The following MYH9 variants were observed in gnomAD, a reference collection of about 807,000 sequenced individuals.
MYH9 encodes myosin heavy chain 9, also known as myosin-9.
A neutral mutation model predicts 241.9 loss-of-function variants in MYH9; 29 were observed. That is an observed-to-expected ratio of 0.12 (90% CI 0.09 to 0.16). The LOEUF is 0.16. Among genes scored for constraint, MYH9 ranks in the 10% least tolerant of loss-of-function variants. The pLI is 1.00. For synonymous variants in MYH9, 1,047 were observed against 1,062.6 expected (o/e 0.99, Z 0.29); for missense variants, 1,803 against 2,595.5 (o/e 0.69, Z 6.63).
At chr22:36,367,697 C>T (rs2146412992) in intron 1 of MYH9, among the ~76,000 whole-genome samples, 1 of 152,284 alleles carries the variant, frequency 6.6e-6, no homozygotes, top group African/African-American at 2.4e-5. Context: ...CTTACTTTAC[C>T]ACTCACCAAG....
chr22:36,303,961 G>A, intron 19 of MYH9, 34 bp downstream of exon 19: 2 of 1,611,578 alleles, frequency 1.2e-6, no homozygotes, highest in Non-Finnish European at 1.7e-6. Context: ...GGCAAGGCCT[G>A]GCATGCGGGG....
intron 15 of MYH9, 127 bp downstream of exon 15, chr22:36,309,155 G>A: frequency 1.2e-6 from 1 of 832,560 alleles, no homozygotes; most frequent in Non-Finnish European, 2.0e-6. Flanking sequence ...ACAGAGGGCA[G>A]AGACCACCTG....
chr22:36,359,451 G>C (rs775353250), intron 1 of MYH9, among the ~76,000 whole-genome samples: 1 of 152,202 alleles, frequency 6.6e-6, no homozygotes, highest in Non-Finnish European at 1.5e-5. Context: ...CCACACACGC[G>C]TAAGGGTTAT....
chr22:36,387,382 C>A (rs1163405911), intron 1 of MYH9, among the ~76,000 whole-genome samples: 2 of 152,374 alleles, frequency 1.3e-5, no homozygotes, highest in African/African-American at 4.8e-5. Context: ...GGCTCCCAAC[C>A]CGTGAGGCTG....
In MYH9 at chr22:36,320,097, GCCTT is replaced by G. The variant is rs1269744777; in HGVS notation, c.1012+119_1012+122del. Reference sequence around the variant, plus strand: ...GGAATCATTTTCCCATACACTGAAGGCCTTCCCCTTCCCCTGGCCTCTAGCAGGC... The same window carrying G: ...GGAATCATTTTCCCATACACTGAAGGCCCCTTCCCCTGGCCTCTAGCAGGC... On this transcript the variant is annotated intron_variant, in intron 9 of 40. Transcript: ENST00000216181. The surrounding 1 kb of genome is among the most constrained non-coding windows in gnomAD (Gnocchi z 4.8). 9.4e-5 allele frequency: 125 copies of G among 1,336,508 alleles called. No homozygotes were observed. Among genetic ancestry groups the G allele is most frequent in the Non-Finnish European group, 1.3e-4 (118 of 943,296 alleles). The allele number at this position is 1,336,508 out of a possible 1,614,324, so 82.8% of individuals were successfully genotyped here.
chr22:36,282,584 T>A lies in MYH9; in HGVS notation c.*84A>T. 8.1e-7 allele frequency: 1 copy of A among 1,241,184 alleles called. No individual in the cohort carries two copies. The highest frequency in any genetic ancestry group is 1.2e-6 in the Non-Finnish European group (1 of 847,778). The allele number at this position is 1,241,184 out of a possible 1,614,324, so 76.9% of individuals were successfully genotyped here. On this transcript the variant is annotated 3_prime_UTR_variant, in exon 41 of 41. Transcript: ENST00000216181. ...CATGTTCACAGCAGTCCCAAGAAGG[T>A]GGGGAGAGGCGTGCTGCGGGGTCTG...
intron 1 of MYH9, among the ~76,000 whole-genome samples, chr22:36,363,074 TCC>T (rs1463834154): frequency 3.3e-5 from 5 of 151,924 alleles, no homozygotes; most frequent in African/African-American, 1.2e-4. Context: ...AGGGCCCATC[TCC>T]CCAATTCTCC....
At position 36,305,175 on chromosome 22, in the gene MYH9, G is replaced by A; in HGVS notation, c.2160-73C>T. On this transcript the variant is annotated intron_variant, in intron 17 of 40. Transcript: ENST00000216181. This position sits in a 1 kb window ranked among gnomAD's most constrained non-coding sequence, Gnocchi z 4.7. Reference sequence around the variant, plus strand: ...CCACATGCCTGGAATATAGGCGAGAGATTAACATCATTTCTACAATGCAAC... The same window carrying A: ...CCACATGCCTGGAATATAGGCGAGAAATTAACATCATTTCTACAATGCAAC... 1 of 1,270,580 alleles carries A rather than the reference G, an allele frequency of 7.9e-7. No individual in the cohort carries two copies. Among genetic ancestry groups the A allele is most frequent in the South Asian group, 1.2e-5 (1 of 83,394 alleles). 78.7% of individuals were successfully genotyped at this position (1,270,580 alleles called of 1,614,324 possible).
chr22:36,359,859 G>C (rs2017910299), intron 1 of MYH9, among the ~76,000 whole-genome samples: 1 of 152,206 alleles, frequency 6.6e-6, no homozygotes, highest in South Asian at 2.1e-4. Context: ...CCACAGCCAT[G>C]TGAGGTCCTG....
chr22:36,322,031 A>C (rs2017261344), intron 6 of MYH9: 2 of 613,576 alleles, frequency 3.3e-6, no homozygotes, highest in Non-Finnish European at 5.8e-6. Context: ...GCCTAAGGCC[A>C]TGAGCCTGAG....
At chr22:36,351,870 C>T (rs894485196) in intron 1 of MYH9, among the ~76,000 whole-genome samples, 1 of 152,102 alleles carries the variant, frequency 6.6e-6, no homozygotes. Context: ...GTGCCCCTCA[C>T]GAGACTCCTA....
chr22:36,308,621 C>T (rs963665774), intron 15 of MYH9, among the ~76,000 whole-genome samples: 2 of 152,110 alleles, frequency 1.3e-5, no homozygotes, highest in African/African-American at 4.8e-5. Flanking sequence ...TTTGCTACTA[C>T]AGGCCGGCGA....
intron 18 of MYH9, among the ~76,000 whole-genome samples, 174 bp from the exon 19 acceptor site, chr22:36,304,329 C>T (rs982490510): frequency 8.5e-5 from 13 of 152,328 alleles, no homozygotes; most frequent in East Asian, 3.9e-4. Flanking sequence ...CCTATCTCCC[C>T]GTCACCGAAC....
intron 12 of MYH9, among the ~76,000 whole-genome samples, chr22:36,315,461 C>T (rs143656972): frequency 3.3e-5 from 5 of 152,230 alleles, no homozygotes; most frequent in East Asian, 1.9e-4. Context: ...TGTCTTATCC[C>T]GATGCTCAGG....
chr22:36,372,290 C>G (rs1350546114), intron 1 of MYH9, among the ~76,000 whole-genome samples: 2 of 152,010 alleles, frequency 1.3e-5, no homozygotes, highest in African/African-American at 4.8e-5. Flanking sequence ...GTGTTCAAGA[C>G]CAGCCTGGGT....
intron 20 of MYH9, chr22:36,302,292 ATT>A: frequency 2.8e-6 from 1 of 357,434 alleles, no homozygotes; most frequent in South Asian, 2.8e-5. Context: ...AAATAAAGAG[ATT>A]TTTTTTTTAA....
In MYH9 at chr22:36,301,491, A is replaced by G. The variant is rs189516518; in HGVS notation, c.2631+43T>C. ...CCGATGGCCAGCAGGTGGCAGCACC[A>G]GGCAGGTCGTGCGACCTGGACTGAG... On this transcript the variant is annotated intron_variant, in intron 21 of 40. Coordinates refer to ENST00000216181, the MANE Select transcript of MYH9 (RefSeq NM_002473.6). 283 of 1,610,076 alleles carry G rather than the reference A, an allele frequency of 1.8e-4. No individual in the cohort carries two copies. The African/African-American group carries it at 3.3e-3, about 19-fold the overall frequency.
At position 36,285,016 on chromosome 22, in the gene MYH9, C is replaced by T. The variant is rs1248230000; in HGVS notation, c.5483+105G>A. 1.1e-5 allele frequency: 12 copies of T among 1,098,436 alleles called. No homozygotes were observed. In the East Asian group the frequency reaches 1.5e-4, roughly 14 times the overall value. 68.0% of individuals were successfully genotyped at this position (1,098,436 alleles called of 1,614,324 possible). On this transcript the variant is annotated intron_variant, in intron 38 of 40. Transcript: ENST00000216181. This position sits in a 1 kb window ranked among gnomAD's most constrained non-coding sequence, Gnocchi z 7.0. ...CAGGAGGGAGGGAAACAGCCCCAGG[C>T]TCAGGAGACAGAGAGCTGGTTGTGG...
chr22:36,371,598 C>T (rs1034012035), intron 1 of MYH9, among the ~76,000 whole-genome samples: 1 of 152,130 alleles, frequency 6.6e-6, no homozygotes, highest in Non-Finnish European at 1.5e-5. Context: ...TGCAATGGCG[C>T]CATCTCGGCT....
Sources: allele counts gnomAD v4.1 joint callset (sites outside exome capture counted in the v4.1 genomes callset), GRCh38; gene constraint gnomAD v4.1.1; non-coding constraint Gnocchi (gnomAD v3.1); transcripts MANE v1.5; gene names NCBI Gene and HGNC (gene_info 2026-07-23, HGNC 2026-07-21).